RAPGEF4: variants seen among roughly 807,000 people sequenced by gnomAD.
RAPGEF4 encodes the protein Rap guanine nucleotide exchange factor 4.
RAPGEF4 carries 66 observed loss-of-function variants against 147.9 expected under a neutral mutation model. That is an observed-to-expected ratio of 0.45 (90% CI 0.37 to 0.55). The LOEUF (loss-of-function observed/expected upper bound fraction) is 0.55. Among genes scored for constraint, RAPGEF4 ranks in the 20% least tolerant of loss-of-function variants. RAPGEF4 has a pLI of 0.00. For synonymous variants in RAPGEF4, 419 were observed against 442.7 expected (o/e 0.95, Z 0.67); for missense variants, 1,071 against 1,257.3 (o/e 0.85, Z 2.24).
At chr2:172,853,033 G>T (rs1179251735) in intron 4 of RAPGEF4, among the ~76,000 whole-genome samples, 1 of 151,842 alleles carries the variant, frequency 6.6e-6, no homozygotes, top group Non-Finnish European at 1.5e-5. Context: ...GATATATATT[G>T]CTAGCTTTGA....
intron 4 of RAPGEF4, among the ~76,000 whole-genome samples, chr2:172,835,427 G>A (rs942551876): frequency 2.0e-5 from 3 of 152,302 alleles, no homozygotes; most frequent in Non-Finnish European, 2.9e-5. Context: ...TTAATAAATA[G>A]AAGAGACAGT....
At chr2:172,745,499 T>C (rs889916144) in intron 1 of RAPGEF4, among the ~76,000 whole-genome samples, 1 of 152,130 alleles carries the variant, frequency 6.6e-6, no homozygotes, top group African/African-American at 2.4e-5. Flanking sequence ...ATTTTGTTAA[T>C]ATTTTAAAAG....
intron 1 of RAPGEF4, among the ~76,000 whole-genome samples, chr2:172,789,364 G>T (rs1685571371): frequency 6.6e-6 from 1 of 152,148 alleles, no homozygotes; most frequent in Non-Finnish European, 1.5e-5. Flanking sequence ...GCCTCAAAAG[G>T]ATTATACAAG....
At chr2:172,944,454 A>C (rs950249373) in intron 6 of RAPGEF4, among the ~76,000 whole-genome samples, 3 of 152,208 alleles carry the variant, frequency 2.0e-5, no homozygotes, top group African/African-American at 7.2e-5. Context: ...ATCTTGGGCA[A>C]GTGCCCAGGG....
At chr2:172,838,252 A>G (rs999292773) in intron 4 of RAPGEF4, among the ~76,000 whole-genome samples, 2 of 152,268 alleles carry the variant, frequency 1.3e-5, no homozygotes. Context: ...CATGACGTGA[A>G]AGAATATCCT....
chr2:172,761,769 G>A (rs1696367945), intron 1 of RAPGEF4, among the ~76,000 whole-genome samples: 1 of 152,120 alleles, frequency 6.6e-6, no homozygotes, highest in Non-Finnish European at 1.5e-5. Flanking sequence ...GAGATCAGTG[G>A]GTGCTAGAAT....
Position 173,049,188 on chromosome 2 carries a change from T to C in RAPGEF4, c.2908+534T>C, listed in dbSNP as rs142026024. 8.3e-3 allele frequency among the ~76,000 whole-genome samples: 1,270 copies of C among 152,346 alleles called. 12 individuals carry two copies. The highest frequency in any genetic ancestry group is 0.028 in the African/African-American group (1,184 of 41,578). On this transcript the variant is annotated intron_variant, in intron 30 of 30. Transcript: ENST00000397081. ...TTCCCACATGAATTTGAGGTGCTCT[T>C]TTAAAATCTGAACATCTATCACAAG...
chr2:172,815,098 C>T (rs1319134919), intron 4 of RAPGEF4, among the ~76,000 whole-genome samples: 1 of 152,234 alleles, frequency 6.6e-6, no homozygotes, highest in South Asian at 2.1e-4. Context: ...CTAAGCCTTG[C>T]ATCTTTTACA....
At chr2:173,001,694 T>A (rs1489553083) in intron 17 of RAPGEF4, among the ~76,000 whole-genome samples, 1 of 151,948 alleles carries the variant, frequency 6.6e-6, no homozygotes, top group Non-Finnish European at 1.5e-5. Context: ...CCAGCCTCTG[T>A]TTCTGGGGAG....
chr2:172,982,476 C>G (rs959392657), intron 10 of RAPGEF4, among the ~76,000 whole-genome samples: 24 of 152,186 alleles, frequency 1.6e-4, no homozygotes, highest in South Asian at 8.3e-4. Flanking sequence ...TTTCAAGTTT[C>G]AAAAACATAT....
At chr2:173,036,291 A>G (rs1281548496) in intron 28 of RAPGEF4, 79 bp downstream of exon 28, 2 of 1,127,452 alleles carry the variant, frequency 1.8e-6, no homozygotes, top group Non-Finnish European at 2.7e-6. Flanking sequence ...GATAAGATTG[A>G]TTACTTAGGG....
At chr2:173,050,669 AT>A (rs999616499) in intron 30 of RAPGEF4, among the ~76,000 whole-genome samples, 10 of 140,460 alleles carry the variant, frequency 7.1e-5, no homozygotes, top group African/African-American at 1.9e-4. Flanking sequence ...TAAAGAGAGC[AT>A]TTTTTTCCCT....
intron 23 of RAPGEF4, among the ~76,000 whole-genome samples, chr2:173,021,079 A>G (rs1434589785): frequency 1.3e-5 from 2 of 152,242 alleles, no homozygotes; most frequent in Non-Finnish European, 2.9e-5. Flanking sequence ...GCTCCTTTGC[A>G]TTATGGCAAA....
chr2:172,895,121 A>C (rs548428732), intron 4 of RAPGEF4, among the ~76,000 whole-genome samples: 3 of 152,140 alleles, frequency 2.0e-5, no homozygotes, highest in Non-Finnish European at 4.4e-5. Flanking sequence ...CAGCAGCCTG[A>C]CAGCCACTTC....
chr2:172,861,311 A>C (rs941624298), intron 4 of RAPGEF4, among the ~76,000 whole-genome samples: 2 of 152,260 alleles, frequency 1.3e-5, no homozygotes, highest in African/African-American at 4.8e-5. Context: ...ACTGAGGCTC[A>C]GGGGAAGGGT....
rs144654908 is a variant in RAPGEF4 at position 172,913,887 on chromosome 2, A to G, written c.445-3915A>G. On this transcript the variant is annotated intron_variant, in intron 4 of 30. Coordinates refer to ENST00000397081, the MANE Select transcript of RAPGEF4 (RefSeq NM_007023.4). ...TCCTGCTTGACCCTCAGCCACCCAG[A>G]TCTCTTTTCCAGAGACAATCCTGGT... Among the ~76,000 whole-genome samples the G allele has an allele frequency of 2.4e-4, 37 of 152,316 alleles. No individual in the cohort carries two copies. The East Asian group carries it at 6.6e-3, about 27-fold the overall frequency.
At chr2:172,761,240 C>T (rs1338578288) in intron 1 of RAPGEF4, among the ~76,000 whole-genome samples, 1 of 151,802 alleles carries the variant, frequency 6.6e-6, no homozygotes, top group African/African-American at 2.4e-5. Context: ...ATTCTCCTGG[C>T]TCAGCCTCCT....
At chr2:172,821,427 C>A in intron 4 of RAPGEF4, 1 of 316,514 alleles carries the variant, frequency 3.2e-6, no homozygotes, top group Non-Finnish European at 4.6e-6. Flanking sequence ...AACCTTGGAG[C>A]TTGTACTGTA....
chr2:172,843,251 T>A (rs1010985108), intron 4 of RAPGEF4, among the ~76,000 whole-genome samples: 3 of 152,190 alleles, frequency 2.0e-5, no homozygotes, highest in African/African-American at 7.2e-5. Context: ...AATACTTGGA[T>A]AAGAGGAAAA....
Sources: gnomAD v4.1 joint callset for allele counts (sites outside exome capture counted in the v4.1 genomes callset) on GRCh38, gnomAD v4.1.1 for gene constraint, MANE v1.5 for transcripts, NCBI Gene and HGNC (gene_info 2026-07-23, HGNC 2026-07-21) for gene names.